MACROD2: variants seen among roughly 807,000 people sequenced by gnomAD.
MACROD2 encodes the protein ADP-ribose glycohydrolase MACROD2.
In MACROD2, 36 loss-of-function variants were observed where a neutral mutation model predicts 70.4. That is an observed-to-expected ratio of 0.51 (90% CI 0.39 to 0.68). The LOEUF (loss-of-function observed/expected upper bound fraction) is 0.68, where lower values mean the gene tolerates loss of function less well. MACROD2 is among the 30% of genes least tolerant of loss of function. The pLI, the probability that MACROD2 is intolerant of heterozygous loss-of-function variation, is 0.00. For missense variants in MACROD2, 496 were observed against 538.4 expected, an observed-to-expected ratio of 0.92 and a Z score of 0.78; for synonymous variants, 172 against 178.8, an observed-to-expected ratio of 0.96 and a Z score of 0.30.
At chr20:15,789,883 A>G (rs1032519375) in intron 8 of MACROD2, among the ~76,000 whole-genome samples, 17 of 152,088 alleles carry the variant, frequency 1.1e-4, no homozygotes, top group African/African-American at 3.9e-4. Flanking sequence ...AGTGTTAACA[A>G]AAGTGATTCT....
intron 8 of MACROD2, among the ~76,000 whole-genome samples, chr20:15,848,073 T>A (rs2064253480): frequency 6.6e-6 from 1 of 152,210 alleles, no homozygotes; most frequent in Non-Finnish European, 1.5e-5. Context: ...GATTTTGATA[T>A]TCATAATAAA....
intron 7 of MACROD2, among the ~76,000 whole-genome samples, chr20:15,469,222 G>A (rs764811490): frequency 2.6e-5 from 4 of 152,180 alleles, no homozygotes; most frequent in Admixed American, 6.5e-5. Context: ...GCACAAAAAC[G>A]ATTGATGTTA....
intron 5 of MACROD2, among the ~76,000 whole-genome samples, chr20:14,919,852 G>T (rs1448891760): frequency 6.6e-6 from 1 of 152,130 alleles, no homozygotes; most frequent in African/African-American, 2.4e-5. Flanking sequence ...CCATTTCAAG[G>T]CTCCACCTGC....
At position 14,867,656 on chromosome 20, in the gene MACROD2, A is replaced by G. The variant is rs764745209; in HGVS notation, c.418+182697A>G. 1.2e-3 allele frequency among the ~76,000 whole-genome samples: 185 copies of G among 152,136 alleles called. 3 individuals are homozygous for G. The highest frequency in any genetic ancestry group is 4.0e-4 in the Non-Finnish European group (27 of 68,000). ...TCTTGTTACTTCCAGCGGTAATTACATTTCTAGGATATATTGGTGTATTTT... is the reference window on the plus strand; with the variant it reads ...TCTTGTTACTTCCAGCGGTAATTACGTTTCTAGGATATATTGGTGTATTTT... On this transcript the variant is annotated intron_variant, in intron 5 of 17. Transcript: ENST00000684519.
At chr20:15,073,773 T>C (rs945147177) in intron 5 of MACROD2, among the ~76,000 whole-genome samples, 4 of 152,104 alleles carry the variant, frequency 2.6e-5, no homozygotes, top group Non-Finnish European at 4.4e-5. Context: ...TTTTAAAGAG[T>C]ATTTAATTCA....
intron 3 of MACROD2, among the ~76,000 whole-genome samples, chr20:14,232,930 G>A (rs2081831551): frequency 1.3e-5 from 2 of 152,182 alleles, no homozygotes. Flanking sequence ...TGAGACACAT[G>A]TGACTCTTTC....
intron 5 of MACROD2, among the ~76,000 whole-genome samples, chr20:14,890,636 C>T (rs2073743351): frequency 6.6e-6 from 1 of 151,922 alleles, no homozygotes; most frequent in South Asian, 2.1e-4. Flanking sequence ...GTGGCACATT[C>T]CTGTCATCCC....
intron 3 of MACROD2, among the ~76,000 whole-genome samples, chr20:14,126,289 A>C (rs2054649221): frequency 6.6e-6 from 1 of 152,226 alleles, no homozygotes; most frequent in South Asian, 2.1e-4. Flanking sequence ...TGGTGTCTGT[A>C]TGTTCTCATC....
intron 9 of MACROD2, among the ~76,000 whole-genome samples, chr20:15,883,326 T>C (rs1260512555): frequency 6.6e-6 from 1 of 152,088 alleles, no homozygotes; most frequent in East Asian, 1.9e-4. Flanking sequence ...GATGTTAAGT[T>C]CAGGGAAGAA....
At chr20:14,779,404 AT>A (rs1353494068) in intron 5 of MACROD2, among the ~76,000 whole-genome samples, 1 of 152,056 alleles carries the variant, frequency 6.6e-6, no homozygotes, top group Non-Finnish European at 1.5e-5. Context: ...AGCTAATCAC[AT>A]TTGCATTTCC....
intron 10 of MACROD2, among the ~76,000 whole-genome samples, chr20:15,906,900 G>A (rs571444140): frequency 1.3e-5 from 2 of 152,138 alleles, no homozygotes; most frequent in Non-Finnish European, 2.9e-5. Flanking sequence ...ATATTCACTC[G>A]CTTTGATTAC....
chr20:14,930,759 C>T (rs1379221488), intron 5 of MACROD2, among the ~76,000 whole-genome samples: 4 of 81,810 alleles, frequency 4.9e-5, no homozygotes, highest in Non-Finnish European at 6.6e-5. Flanking sequence ...ATAGGGAGAG[C>T]GTGTCTTAAA....
intron 8 of MACROD2, among the ~76,000 whole-genome samples, chr20:15,841,398 A>G (rs1214840938): frequency 6.6e-6 from 1 of 152,152 alleles, no homozygotes; most frequent in African/African-American, 2.4e-5. Context: ...TTGGCTCAAA[A>G]TTCTGTAAGC....
intron 5 of MACROD2, among the ~76,000 whole-genome samples, chr20:14,908,643 A>G (rs954410258): frequency 1.4e-4 from 22 of 152,114 alleles, no homozygotes; most frequent in African/African-American, 4.8e-4. Flanking sequence ...AGCCTGGGTG[A>G]CAGAGCAGAC....
At chr20:14,057,114 T>C (rs2053639274) in intron 2 of MACROD2, among the ~76,000 whole-genome samples, 1 of 152,106 alleles carries the variant, frequency 6.6e-6, no homozygotes, top group South Asian at 2.1e-4. Context: ...TGATTGAAGA[T>C]CTAAATGTGA....
At chr20:14,972,418 A>G (rs1468230079) in intron 5 of MACROD2, among the ~76,000 whole-genome samples, 9 of 152,016 alleles carry the variant, frequency 5.9e-5, no homozygotes, top group Non-Finnish European at 1.2e-4. Flanking sequence ...TCACCTTCCT[A>G]AGCATAGGGT....
intron 10 of MACROD2, among the ~76,000 whole-genome samples, chr20:15,896,805 G>T (rs1469571258): frequency 6.6e-6 from 1 of 152,086 alleles, no homozygotes; most frequent in African/African-American, 2.4e-5. Flanking sequence ...ATGAACTGCT[G>T]TGTACTTTGG....
intron 5 of MACROD2, among the ~76,000 whole-genome samples, chr20:14,711,288 T>C (rs934382690): frequency 1.3e-5 from 2 of 152,196 alleles, no homozygotes; most frequent in Admixed American, 6.5e-5. Context: ...TTCAGCTTTT[T>C]CATATTCAAG....
rs1555789655 is a variant in MACROD2, at chr20:15,876,111, A to ATATATATATATATG, written c.728-9652_728-9651insATATATATATATGT. 8.6e-4 allele frequency among the ~76,000 whole-genome samples: 119 copies of ATATATATATATATG among 138,838 alleles called. 3 individuals are homozygous for ATATATATATATATG. Among genetic ancestry groups the ATATATATATATATG allele is most frequent in the African/African-American group, 3.3e-3 (115 of 34,784 alleles). The allele number at this position is 138,838 out of a possible 152,430, so 91.1% of individuals were successfully genotyped here. ...GTCTTTTATATATATATATATATAT[A>ATATATATATATATG]TGTGTGTATTTTTTTTATTACACTG... On this transcript the variant is annotated intron_variant, in intron 9 of 17. Transcript: ENST00000684519.
Sources: allele counts gnomAD v4.1 joint callset (sites outside exome capture counted in the v4.1 genomes callset), GRCh38; gene constraint gnomAD v4.1.1; transcripts MANE v1.5; gene names NCBI Gene and HGNC (gene_info 2026-07-23, HGNC 2026-07-21).